Variants in PRKG1 observed in about 807,000 individuals in gnomAD.
PRKG1 encodes cGMP-dependent protein kinase 1.
PRKG1 carries 35 observed loss-of-function variants against 88.1 expected under a neutral mutation model. That is an observed-to-expected ratio of 0.40 (90% confidence interval 0.30 to 0.53). The LOEUF is 0.53. Among genes scored for constraint, PRKG1 ranks in the 20% least tolerant of loss-of-function variants. The pLI is 0.59. For synonymous variants in PRKG1, 303 were observed against 292.5 expected, an observed-to-expected ratio of 1.04 and a Z score of -0.37; for missense variants, 540 against 839.8, an observed-to-expected ratio of 0.64 and a Z score of 4.41.
At chr10:51,646,357 G>C (rs1359558979) in intron 3 of PRKG1, among the ~76,000 whole-genome samples, 1 of 152,066 alleles carries the variant, frequency 6.6e-6, no homozygotes. Flanking sequence ...TAAATATTTA[G>C]ACTAGCTTTC....
At chr10:51,942,943 T>C (rs1370911857) in intron 5 of PRKG1, among the ~76,000 whole-genome samples, 1 of 151,782 alleles carries the variant, frequency 6.6e-6, no homozygotes, top group Non-Finnish European at 1.5e-5. Context: ...CGGGCTCTGT[T>C]TTGGTTCCAT....
At chr10:51,838,076 A>G (rs1006728359) in intron 4 of PRKG1, among the ~76,000 whole-genome samples, 1 of 152,198 alleles carries the variant, frequency 6.6e-6, no homozygotes, top group Non-Finnish European at 1.5e-5. Context: ...ATCCATATCA[A>G]TACAATTCAT....
intron 10 of PRKG1, chr10:52,252,946 C>G (rs1017309323): frequency 6.6e-6 from 1 of 151,772 alleles, no homozygotes; most frequent in African/African-American, 2.4e-5. Flanking sequence ...GGTTTTGTGG[C>G]AAATCATAAT....
intron 4 of PRKG1, among the ~76,000 whole-genome samples, chr10:51,845,308 A>G (rs1447845410): frequency 6.6e-6 from 1 of 152,040 alleles, no homozygotes; most frequent in Non-Finnish European, 1.5e-5. Flanking sequence ...ACTTTCCTTA[A>G]GCACCACCTC....
chr10:52,209,331 A>T (rs1178859909), intron 9 of PRKG1, among the ~76,000 whole-genome samples: 1 of 152,210 alleles, frequency 6.6e-6, no homozygotes, highest in African/African-American at 2.4e-5. Flanking sequence ...TTCATGTGTC[A>T]GAAAGTATTA....
At chr10:51,171,456 G>A (rs7912331) in intron 2 of PRKG1, among the ~76,000 whole-genome samples, 2,222 of 152,154 alleles carry the variant, frequency 0.015, 59 homozygotes, top group African/African-American at 0.048. Context: ...GGTTTATTCC[G>A]TCTTATTTGA....
At chr10:51,232,245 C>T (rs886133928) in intron 2 of PRKG1, among the ~76,000 whole-genome samples, 1 of 152,164 alleles carries the variant, frequency 6.6e-6, no homozygotes, top group African/African-American at 2.4e-5. Context: ...TCAGCTGAAC[C>T]TCTGTGCTAG....
Position 51,236,556 on chromosome 10 carries a change from G to A in PRKG1, c.478+83226G>A, listed in dbSNP as rs188760765. 2.1e-3 allele frequency among the ~76,000 whole-genome samples: 323 copies of A among 151,268 alleles called. 6 individuals are homozygous for A. The highest frequency in any genetic ancestry group is 3.5e-3 in the East Asian group (18 of 5,126). On this transcript the variant is annotated intron_variant, in intron 2 of 17. Transcript: ENST00000373980. ...CTTGCTCTGTCGCCCAGGCTGGAGT[G>A]CAGTGGCATGATCTTGGCTCACTGC...
intron 9 of PRKG1, among the ~76,000 whole-genome samples, chr10:52,172,901 G>A (rs1838747193): frequency 6.6e-6 from 1 of 152,196 alleles, no homozygotes; most frequent in Admixed American, 6.5e-5. Flanking sequence ...ACTTGAACAA[G>A]CACCCTGGCT....
intron 6 of PRKG1, among the ~76,000 whole-genome samples, chr10:52,054,862 T>C (rs4501941): frequency 1 from 152,324 of 152,332 alleles, 76,158 homozygotes; most frequent in Middle Eastern, 1. Flanking sequence ...CGGCTGGATG[T>C]GATGGCTCAT....
intron 2 of PRKG1, among the ~76,000 whole-genome samples, chr10:51,376,848 A>AT (rs1053331360): frequency 2.0e-5 from 3 of 151,398 alleles, no homozygotes; most frequent in East Asian, 1.9e-4. Flanking sequence ...CTAATTTTGT[A>AT]TTTTTTTTAG....
intron 3 of PRKG1, among the ~76,000 whole-genome samples, chr10:51,633,466 A>G (rs1268676562): frequency 2.0e-5 from 3 of 152,016 alleles, no homozygotes; most frequent in Admixed American, 1.3e-4. Context: ...GGACTCAAGA[A>G]AAAAAAGAAA....
chr10:51,085,020 A>T (rs186393566), intron 1 of PRKG1, among the ~76,000 whole-genome samples: 3 of 152,360 alleles, frequency 2.0e-5, no homozygotes, highest in African/African-American at 7.2e-5. Flanking sequence ...TATGGTTTTG[A>T]CAATGCTTCT....
intron 2 of PRKG1, among the ~76,000 whole-genome samples, chr10:51,392,911 ACCACCCCCACCTCCCTCCCGGACGGGGC>A (rs1837461096): frequency 3.2e-5 from 2 of 61,902 alleles, no homozygotes; most frequent in African/African-American, 5.0e-5. Flanking sequence ...TGGGGGGCTG[ACCACCCCCACCTCCCTCCCGGACGGGGC>A]GGCTGGCCGG....
rs113841667 is a variant in PRKG1, at chr10:51,729,202, T to C, written c.593-75383T>C. On this transcript the variant is annotated intron_variant, in intron 3 of 17. Coordinates refer to ENST00000373980, the MANE Select transcript of PRKG1 (RefSeq NM_006258.4). ...CATTTGTCTTATGCAAGAAAGTCTCTTCAGCTTTCTGAACTTTTCTGTATT... is the reference window on the plus strand; with the variant it reads ...CATTTGTCTTATGCAAGAAAGTCTCCTCAGCTTTCTGAACTTTTCTGTATT... Among the ~76,000 whole-genome samples, 119 of 152,332 alleles carry C rather than the reference T, an allele frequency of 7.8e-4. 6 individuals carry two copies. The highest frequency in any genetic ancestry group is 6.8e-3 in the Middle Eastern group (2 of 294).
At chr10:51,836,132 A>G (rs796862694) in intron 4 of PRKG1, among the ~76,000 whole-genome samples, 1 of 152,224 alleles carries the variant, frequency 6.6e-6, no homozygotes, top group South Asian at 2.1e-4. Flanking sequence ...AAAATATATT[A>G]CAAAGCTACA....
At position 52,288,722 on chromosome 10, in the gene PRKG1, G is replaced by A. The variant is rs374445349; in HGVS notation, c.1710-4G>A. 1.3e-5 allele frequency: 20 copies of A among 1,573,032 alleles called. No homozygotes were observed. In the African/African-American group the frequency reaches 2.5e-4, roughly 20 times the overall value. On this transcript the variant is annotated splice_polypyrimidine_tract_variant and splice_region_variant and intron_variant, in intron 14 of 17. Coordinates refer to ENST00000373980, the MANE Select transcript of PRKG1 (RefSeq NM_006258.4). Reference sequence around the variant, plus strand: ...ATCTCTTGTCGTGTCTCTCATTCTTGCAGCCCACCTTTCTCAGGCCCAGAT... The same window carrying A: ...ATCTCTTGTCGTGTCTCTCATTCTTACAGCCCACCTTTCTCAGGCCCAGAT...
intron 2 of PRKG1, among the ~76,000 whole-genome samples, chr10:51,226,212 A>T (rs1211314330): frequency 6.6e-6 from 1 of 152,202 alleles, no homozygotes; most frequent in African/African-American, 2.4e-5. Context: ...TGCAAAAACA[A>T]ACGAACAAAC....
At chr10:52,060,355 AT>A (rs1846208604) in intron 6 of PRKG1, among the ~76,000 whole-genome samples, 1 of 151,952 alleles carries the variant, frequency 6.6e-6, no homozygotes, top group African/African-American at 2.4e-5. Flanking sequence ...TGAATAAGAT[AT>A]TTTAAAATGC....
Sources: allele counts gnomAD v4.1 joint callset (sites outside exome capture counted in the v4.1 genomes callset), GRCh38; gene constraint gnomAD v4.1.1; transcripts MANE v1.5; gene names NCBI Gene and HGNC (gene_info 2026-07-23, HGNC 2026-07-21).